The following ATXN7L1 variants were observed in gnomAD, a reference collection of about 807,000 sequenced individuals.
ATXN7L1 encodes the protein ataxin 7 like 1.
ATXN7L1 carries 15 observed loss-of-function variants against 70.8 expected under a neutral mutation model. That is an observed-to-expected ratio of 0.21 (90% CI 0.14 to 0.33). ATXN7L1 has a LOEUF of 0.33. Among genes scored for constraint, ATXN7L1 ranks in the 10% least tolerant of loss-of-function variants. The pLI, the probability that ATXN7L1 is intolerant of heterozygous loss-of-function variation, is 1.00. For synonymous variants in ATXN7L1, 440 were observed against 445.1 expected, an observed-to-expected ratio of 0.99 and a Z score of 0.14; for missense variants, 975 against 1,097.1, an observed-to-expected ratio of 0.89 and a Z score of 1.57.
rs541229970 is a variant in ATXN7L1 at position 105,674,914 on chromosome 7, TAAAAGGA to T, written c.356-9633_356-9627del. Among the ~76,000 whole-genome samples the T allele has an allele frequency of 3.6e-3, 552 of 152,112 alleles. 2 individuals carry two copies. The highest frequency in any genetic ancestry group is 6.4e-3 in the Non-Finnish European group (434 of 67,996). On this transcript the variant is annotated intron_variant, in intron 3 of 11. Transcript: ENST00000419735. Reference sequence around the variant, plus strand: ...GCCCTCACAAGACACCTAGACTAGCTAAAAGGAAAAACTACAGAAATAGAATCTGTGG... The same window carrying T: ...GCCCTCACAAGACACCTAGACTAGCTAAAACTACAGAAATAGAATCTGTGG...
chr7:105,685,050 A>G (rs1398503318), intron 3 of ATXN7L1, among the ~76,000 whole-genome samples: 1 of 60,966 alleles, frequency 1.6e-5, no homozygotes, highest in African/African-American at 4.3e-5. Context: ...AGATGATAAT[A>G]ATAATAATAA....
intron 2 of ATXN7L1, among the ~76,000 whole-genome samples, chr7:105,810,236 T>C (rs527932840): frequency 6.6e-6 from 1 of 152,150 alleles, no homozygotes; most frequent in Non-Finnish European, 1.5e-5. Context: ...TACCCTTGTA[T>C]AGTTCAGAGT....
chr7:105,784,271 C>T (rs1286129012), intron 3 of ATXN7L1, among the ~76,000 whole-genome samples: 3 of 152,144 alleles, frequency 2.0e-5, no homozygotes, highest in Admixed American at 6.5e-5. Flanking sequence ...GCCCCAGCTA[C>T]AGGTAGTTAT....
chr7:105,615,016 T>C (rs898006463), intron 9 of ATXN7L1, among the ~76,000 whole-genome samples, 200 bp from the exon 10 acceptor site: 1 of 152,062 alleles, frequency 6.6e-6, no homozygotes, highest in Non-Finnish European at 1.5e-5. Context: ...TCCAGCAACC[T>C]AATTTTCATC....
At chr7:105,751,837 G>A (rs1366661432) in intron 3 of ATXN7L1, among the ~76,000 whole-genome samples, 3 of 152,250 alleles carry the variant, frequency 2.0e-5, no homozygotes, top group Non-Finnish European at 4.4e-5. Flanking sequence ...GGTAGAGACA[G>A]GGAGCCGTCA....
intron 3 of ATXN7L1, among the ~76,000 whole-genome samples, chr7:105,709,375 A>C (rs979103352): frequency 6.6e-6 from 1 of 152,124 alleles, no homozygotes; most frequent in African/African-American, 2.4e-5. Flanking sequence ...CAGTGCTTTG[A>C]CTTCGTAGGG....
chr7:105,788,778 T>G (rs573216553), intron 2 of ATXN7L1, 70 bp from the exon 3 acceptor site: 1 of 1,247,990 alleles, frequency 8.0e-7, no homozygotes, highest in South Asian at 1.2e-5. Context: ...CAGTTTCCTC[T>G]TGGAATTTCT....
chr7:105,641,225 T>C (rs1430757173), intron 5 of ATXN7L1, among the ~76,000 whole-genome samples: 31 of 118,704 alleles, frequency 2.6e-4, no homozygotes, highest in Non-Finnish European at 4.8e-4. Context: ...TTTTTTTTTT[T>C]TTTTTTTTTT....
At chr7:105,845,431 C>T (rs750100771) in intron 2 of ATXN7L1, among the ~76,000 whole-genome samples, 81 of 151,454 alleles carry the variant, frequency 5.3e-4, no homozygotes, top group Admixed American at 1.5e-3. Flanking sequence ...CATGTTCATG[C>T]GTTGGAAGAC....
At chr7:105,699,480 G>T (rs1417311871) in intron 3 of ATXN7L1, among the ~76,000 whole-genome samples, 1 of 152,116 alleles carries the variant, frequency 6.6e-6, no homozygotes, top group Admixed American at 6.6e-5. Flanking sequence ...AATGTTACTT[G>T]ATCCTTTTTT....
intron 2 of ATXN7L1, chr7:105,820,027 C>A: frequency 2.4e-6 from 1 of 424,950 alleles, no homozygotes. Context: ...GCTATGGAAA[C>A]CGGGTGAAAA....
rs560215236 is a variant in ATXN7L1 at position 105,769,412 on chromosome 7, C to T, written c.355+19192G>A. ...TGTGTTTGCTGTCTCTACTCGTGTT[C>T]GTGCTTGACTCTCTTATCCCACCAC... is the stretch of plus-strand genomic sequence containing the variant. On this transcript the variant is annotated intron_variant, in intron 3 of 11. Transcript: ENST00000419735. Among the ~76,000 whole-genome samples, 18 of 152,244 alleles carry T rather than the reference C, an allele frequency of 1.2e-4. No individual in the cohort carries two copies. The South Asian group carries it at 3.3e-3, about 28-fold the overall frequency.
rs1232202676 is a variant in ATXN7L1 at position 105,727,746 on chromosome 7, G to GTATATATATATATA, written c.355+60844_355+60857dup. ...CATAGGGGTGTGTGTGTGTATGTGT[G>GTATATATATATATA]TATATATATATATATATATATATAT... On this transcript the variant is annotated intron_variant, in intron 3 of 11. Transcript: ENST00000419735. 2.1e-3 allele frequency among the ~76,000 whole-genome samples: 117 copies of GTATATATATATATA among 55,248 alleles called. 2 individuals are homozygous for GTATATATATATATA. Among genetic ancestry groups the GTATATATATATATA allele is most frequent in the African/African-American group, 7.0e-3 (71 of 10,178 alleles). 36.2% of individuals were successfully genotyped at this position (55,248 alleles called of 152,430 possible). A position where few individuals can be genotyped will look rare whatever the true frequency, so the allele number is the denominator to read the frequency against.
At chr7:105,731,275 G>C (rs1427740128) in intron 3 of ATXN7L1, among the ~76,000 whole-genome samples, 1 of 152,102 alleles carries the variant, frequency 6.6e-6, no homozygotes, top group Admixed American at 6.5e-5. Context: ...AAGTCAGAAA[G>C]CATCTGAAAT....
chr7:105,610,346 A>G (rs1269382015), intron 11 of ATXN7L1, among the ~76,000 whole-genome samples, 183 bp downstream of exon 11: 1 of 152,238 alleles, frequency 6.6e-6, no homozygotes, highest in Non-Finnish European at 1.5e-5. Context: ...GGAAGCACAG[A>G]GAAGTTAAGT....
intron 3 of ATXN7L1, among the ~76,000 whole-genome samples, chr7:105,761,745 C>G (rs1043448550): frequency 2.6e-5 from 4 of 152,096 alleles, no homozygotes; most frequent in African/African-American, 9.7e-5. Flanking sequence ...GACCTGAATT[C>G]CTATACCTTT....
intron 2 of ATXN7L1, among the ~76,000 whole-genome samples, chr7:105,843,556 T>C (rs1813536803): frequency 1.3e-5 from 2 of 152,224 alleles, no homozygotes; most frequent in Admixed American, 1.3e-4. Context: ...GTGTGAGCCC[T>C]GTGAGCCTTT....
Position 105,672,295 on chromosome 7 carries a change from C to T in ATXN7L1, c.356-7007G>A, listed in dbSNP as rs999785237. Among the ~76,000 whole-genome samples, 7 of 151,856 alleles carry T rather than the reference C, an allele frequency of 4.6e-5. No homozygotes were observed. In the South Asian group the frequency reaches 8.3e-4, roughly 18 times the overall value. On this transcript the variant is annotated intron_variant, in intron 3 of 11. Coordinates refer to ENST00000419735, the MANE Select transcript of ATXN7L1 (RefSeq NM_020725.2). Reference sequence around the variant, plus strand: ...AGTGAGACTCCGTCCCCTGCCCCCCCCAAAAAAGAGAGGCACTACTAGTTT... The same window carrying T: ...AGTGAGACTCCGTCCCCTGCCCCCCTCAAAAAAGAGAGGCACTACTAGTTT...
chr7:105,637,748 C>G (rs968456844), intron 7 of ATXN7L1, among the ~76,000 whole-genome samples: 1 of 152,118 alleles, frequency 6.6e-6, no homozygotes, highest in African/African-American at 2.4e-5. Context: ...CACATAGAAC[C>G]CCAAACAGGT....
Sources: allele counts gnomAD v4.1 joint callset (sites outside exome capture counted in the v4.1 genomes callset), GRCh38; gene constraint gnomAD v4.1.1; transcripts MANE v1.5; gene names NCBI Gene and HGNC (gene_info 2026-07-23, HGNC 2026-07-21).